Variants in SLC6A11 observed in about 807,000 individuals in gnomAD.
SLC6A11 encodes the protein sodium- and chloride-dependent GABA transporter 3.
A neutral mutation model predicts 74.8 loss-of-function variants in SLC6A11; 25 were observed. That is an observed-to-expected ratio of 0.33 (90% CI 0.24 to 0.47). The LOEUF is 0.47. Among genes scored for constraint, SLC6A11 ranks in the 20% least tolerant of loss-of-function variants. The pLI is 1.00. For synonymous variants in SLC6A11, 330 were observed against 330.2 expected (o/e 1.00, Z 0.01); for missense variants, 574 against 837.0 (o/e 0.69, Z 3.88).
chr3:10,841,393 G>A (rs1694435720), intron 4 of SLC6A11, among the ~76,000 whole-genome samples: 1 of 152,166 alleles, frequency 6.6e-6, no homozygotes, highest in Non-Finnish European at 1.5e-5. Flanking sequence ...GCCCTTGTGG[G>A]TTTCAAAACA....
At chr3:10,885,207 C>A (rs1695028641) in intron 6 of SLC6A11, among the ~76,000 whole-genome samples, 1 of 152,130 alleles carries the variant, frequency 6.6e-6, no homozygotes. Context: ...TTTATAGTAG[C>A]TTCTTTAAAA....
chr3:10,909,716 G>A (rs975039322), intron 6 of SLC6A11, among the ~76,000 whole-genome samples: 16 of 152,218 alleles, frequency 1.1e-4, no homozygotes, highest in Non-Finnish European at 1.3e-4. Context: ...CCATTTCCTG[G>A]GTCAGCAGCT....
intron 5 of SLC6A11, among the ~76,000 whole-genome samples, chr3:10,870,677 A>C (rs558301378): frequency 4.6e-5 from 7 of 152,368 alleles, no homozygotes; most frequent in African/African-American, 1.7e-4. Context: ...GCCACTTTTT[A>C]AAGTGGCTTT....
rs767463948 is a variant in SLC6A11, at chr3:10,929,188, A to C, written c.1234-14A>C. Reference sequence around the variant, plus strand: ...TTGTCCTTGAGTTTCACACCATCATATCTCCCCATCCAGTTTGTGTGTGTG... The same window carrying C: ...TTGTCCTTGAGTTTCACACCATCATCTCTCCCCATCCAGTTTGTGTGTGTG... On this transcript the variant is annotated splice_polypyrimidine_tract_variant and intron_variant, in intron 9 of 13. Coordinates refer to ENST00000254488, the MANE Select transcript of SLC6A11 (RefSeq NM_014229.3). 2 of 1,613,286 alleles carry C rather than the reference A, an allele frequency of 1.2e-6. No individual in the cohort carries two copies. The highest frequency in any genetic ancestry group is 1.7e-4 in the Middle Eastern group (1 of 5,958).
At chr3:10,831,662 A>G (rs1694300383) in intron 4 of SLC6A11, among the ~76,000 whole-genome samples, 1 of 152,168 alleles carries the variant, frequency 6.6e-6, no homozygotes, top group Non-Finnish European at 1.5e-5. Flanking sequence ...TTTTTGTATT[A>G]TTTAAATTAG....
chr3:10,851,922 C>T (rs1694581008), intron 5 of SLC6A11, among the ~76,000 whole-genome samples: 3 of 152,228 alleles, frequency 2.0e-5, no homozygotes. Context: ...CCCCCACTGC[C>T]ACCAAGGTGG....
At chr3:10,881,084 A>T (rs1376706520) in intron 6 of SLC6A11, among the ~76,000 whole-genome samples, 1 of 152,164 alleles carries the variant, frequency 6.6e-6, no homozygotes, top group African/African-American at 2.4e-5. Flanking sequence ...GAGCCTGTGA[A>T]CGACTTGTGC....
chr3:10,920,597 A>G (rs1695524436), intron 8 of SLC6A11, among the ~76,000 whole-genome samples: 1 of 152,232 alleles, frequency 6.6e-6, no homozygotes, highest in Non-Finnish European at 1.5e-5. Context: ...ACCTCATGAA[A>G]TGCTCCTGGC....
rs369544017 is a variant in SLC6A11 at position 10,918,282 on chromosome 3, C to T, written c.996-47C>T. The T allele has an allele frequency of 8.3e-5, 126 of 1,512,886 alleles. 1 individual carries two copies. The East Asian group carries it at 1.3e-3, about 15-fold the overall frequency. The allele number at this position is 1,512,886 out of a possible 1,614,324, so 93.7% of individuals were successfully genotyped here. On this transcript the variant is annotated intron_variant, in intron 7 of 13. Coordinates refer to ENST00000254488, the MANE Select transcript of SLC6A11 (RefSeq NM_014229.3). This position sits in a 1 kb window ranked among gnomAD's most constrained non-coding sequence, Gnocchi z 4.5. ...GGTGGAGAACGTTTGAGCCGTGCAC[C>T]GGTTCTGCCCGCTCTGACCCTAGTG... is the stretch of plus-strand genomic sequence containing the variant.
rs781697494 is a variant in SLC6A11 at position 10,929,251 on chromosome 3, A to G, written c.1283A>G (p.Lys428Arg). 3 of 1,614,100 alleles carry G rather than the reference A, an allele frequency of 1.9e-6. No homozygotes were observed. The highest frequency in any genetic ancestry group is 2.5e-6 in the Non-Finnish European group (3 of 1,179,980). The change falls in exon 10 of 14, where the codon AAG (lysine) becomes AGG (arginine). Residue 428 changes from lysine (K) to arginine (R), a missense_variant. Physicochemically the swap from Lys to Arg is conservative, Grantham distance 26. Around this residue, in one of 4 missense-constraint regions of SLC6A11, gnomAD observed 257 missense variants for 341.5 expected, o/e 0.75. Coordinates refer to ENST00000254488, the MANE Select transcript of SLC6A11 (RefSeq NM_014229.3). ...LVTAVVDMYP[K>R]VFRRGYRREL... ...ACCGCCGTGGTGGACATGTACCCCAAGGTTTTCCGGAGGGGTTACCGGCGG... is the reference window on the plus strand; with the variant it reads ...ACCGCCGTGGTGGACATGTACCCCAGGGTTTTCCGGAGGGGTTACCGGCGG...
chr3:10,933,120 C>G, intron 10 of SLC6A11, 31 bp from the exon 11 acceptor site: 1 of 1,520,038 alleles, frequency 6.6e-7, no homozygotes. Flanking sequence ...CCGTTCACCT[C>G]CCATCCGTGT....
intron 6 of SLC6A11, among the ~76,000 whole-genome samples, chr3:10,890,361 A>G (rs1559573208): frequency 1.3e-5 from 2 of 152,168 alleles, no homozygotes; most frequent in African/African-American, 2.4e-5. Flanking sequence ...AAGAGTCAAG[A>G]CCTGAACCAT....
At chr3:10,934,779 A>G (rs976536374) in intron 12 of SLC6A11, among the ~76,000 whole-genome samples, 1 of 152,192 alleles carries the variant, frequency 6.6e-6, no homozygotes, top group Non-Finnish European at 1.5e-5. Flanking sequence ...AGAGGTCCTC[A>G]CAGCCCAGCG....
chr3:10,828,319 G>A (rs1694244367), intron 4 of SLC6A11, among the ~76,000 whole-genome samples: 1 of 152,224 alleles, frequency 6.6e-6, no homozygotes, highest in Non-Finnish European at 1.5e-5. Context: ...CCCAAATTAA[G>A]CTCTAAGGGT....
At chr3:10,867,001 AG>A (rs2106598442) in intron 5 of SLC6A11, among the ~76,000 whole-genome samples, 1 of 152,280 alleles carries the variant, frequency 6.6e-6, no homozygotes, top group African/African-American at 2.4e-5. Flanking sequence ...AAAAAACCAA[AG>A]GGGAGAAAAA....
intron 6 of SLC6A11, among the ~76,000 whole-genome samples, chr3:10,878,404 C>CTT (rs34982364): frequency 0.03 from 3,871 of 128,110 alleles, 276 homozygotes; most frequent in African/African-American, 0.11. Context: ...TCCACTCATC[C>CTT]TTTTTTTTTT....
intron 6 of SLC6A11, among the ~76,000 whole-genome samples, chr3:10,903,087 G>A (rs1220218044): frequency 6.6e-6 from 1 of 152,134 alleles, no homozygotes; most frequent in Admixed American, 6.5e-5. Context: ...CCCTCTTACT[G>A]GTGCTTTCGT....
chr3:10,848,759 A>G (rs1420435101), intron 5 of SLC6A11, among the ~76,000 whole-genome samples: 1 of 152,222 alleles, frequency 6.6e-6, no homozygotes, highest in Non-Finnish European at 1.5e-5. Context: ...ATTAAAAAAT[A>G]CAACTTGGGG....
intron 6 of SLC6A11, among the ~76,000 whole-genome samples, chr3:10,901,775 G>T (rs1695243225): frequency 6.6e-6 from 1 of 152,200 alleles, no homozygotes; most frequent in East Asian, 1.9e-4. Context: ...TCTGTATGTG[G>T]CATTAGCCGA....
Sources: gnomAD v4.1 joint callset for allele counts (sites outside exome capture counted in the v4.1 genomes callset) on GRCh38, gnomAD v4.1.1 for gene constraint, gnomAD v4.1.1 regional missense constraint, Gnocchi (gnomAD v3.1) non-coding constraint, MANE v1.5 for transcripts, NCBI Gene and HGNC (gene_info 2026-07-23, HGNC 2026-07-21) for gene names.